Variants in UBL3 observed in about 807,000 individuals in gnomAD.
UBL3 encodes ubiquitin-like protein 3.
Under a neutral mutation model 18.4 loss-of-function variants are expected in UBL3, and 6 were observed. That is an observed-to-expected ratio of 0.33 (90% CI 0.18 to 0.64). UBL3 has a LOEUF of 0.64. UBL3 is among the 30% of genes least tolerant of loss of function. UBL3 has a pLI of 0.76. For missense variants in UBL3, 109 were observed against 142.9 expected (o/e 0.76, Z 1.21); for synonymous variants, 49 against 46.6 (o/e 1.05, Z -0.21).
chr13:29,824,289 T>C (rs567591828), intron 1 of UBL3, among the ~76,000 whole-genome samples: 7 of 152,330 alleles, frequency 4.6e-5, no homozygotes, highest in Admixed American at 3.9e-4. Flanking sequence ...CCACACTGTC[T>C]TCCACAATGG....
intron 1 of UBL3, among the ~76,000 whole-genome samples, chr13:29,784,410 G>A (rs1053853766): frequency 1.4e-3 from 12 of 8,682 alleles, no homozygotes; most frequent in African/African-American, 2.5e-3. Context: ...ATGAGTATTG[G>A]GATACTCTTA....
intron 1 of UBL3, among the ~76,000 whole-genome samples, chr13:29,807,993 C>A (rs1468489306): frequency 6.6e-6 from 1 of 152,074 alleles, no homozygotes; most frequent in Non-Finnish European, 1.5e-5. Flanking sequence ...GTAAAAACCA[C>A]AATGATTAAC....
At chr13:29,810,963 G>A (rs556574925) in intron 1 of UBL3, among the ~76,000 whole-genome samples, 1 of 152,208 alleles carries the variant, frequency 6.6e-6, no homozygotes, top group South Asian at 2.1e-4. Context: ...TACTAGCTAT[G>A]TATAGACCCT....
At chr13:29,849,387 A>C in intron 1 of UBL3, 125 bp downstream of exon 1, 2 of 1,310,580 alleles carry the variant, frequency 1.5e-6, no homozygotes, top group Non-Finnish European at 2.1e-6. Context: ...AACTTCTCCA[A>C]ATCGCTCAGC....
intron 1 of UBL3, among the ~76,000 whole-genome samples, chr13:29,805,985 G>A (rs1816151173): frequency 6.6e-6 from 1 of 152,130 alleles, no homozygotes; most frequent in African/African-American, 2.4e-5. Context: ...AGACCAGCCT[G>A]GCCAACACAG....
At chr13:29,819,714 AAGTT>A (rs1281524020) in intron 1 of UBL3, among the ~76,000 whole-genome samples, 3 of 152,162 alleles carry the variant, frequency 2.0e-5, no homozygotes, top group Non-Finnish European at 4.4e-5. Flanking sequence ...AAAAAGGTAA[AAGTT>A]AGAAGAGAAC....
chr13:29,782,741 T>C (rs1490882163), intron 1 of UBL3, among the ~76,000 whole-genome samples: 3 of 152,178 alleles, frequency 2.0e-5, no homozygotes, highest in Non-Finnish European at 2.9e-5. Context: ...ATCACCCTTC[T>C]GGGTGGGGAA....
chr13:29,787,008 T>C (rs1877338049), intron 1 of UBL3, among the ~76,000 whole-genome samples: 1 of 152,210 alleles, frequency 6.6e-6, no homozygotes, highest in Non-Finnish European at 1.5e-5. Context: ...GAAAACTACA[T>C]TCCAAAGCAA....
chr13:29,765,559 G>A lies in UBL3; in HGVS notation c.*1696C>T, dbSNP rs1004696479. On this transcript the variant is annotated 3_prime_UTR_variant, in exon 5 of 5. Coordinates refer to ENST00000380680, the MANE Select transcript of UBL3 (RefSeq NM_007106.4). ...TGAAAGTAGAAAACATGAATGAGAC[G>A]GTGCTTAAACAATTATTGACCTAAT... 2.6e-4 allele frequency: 40 copies of A among 151,798 alleles called. No individual in the cohort carries two copies. Among genetic ancestry groups the A allele is most frequent in the African/African-American group, 8.5e-4 (35 of 41,234 alleles). The allele number at this position is 151,798 out of a possible 1,614,324, so 9.4% of individuals were successfully genotyped here. A position where few individuals can be genotyped will look rare whatever the true frequency, so the allele number is the denominator to read the frequency against.
intron 1 of UBL3, among the ~76,000 whole-genome samples, chr13:29,799,592 T>C (rs1279345797): frequency 6.6e-6 from 1 of 152,310 alleles, no homozygotes; most frequent in African/African-American, 2.4e-5. Context: ...AATAGAACTT[T>C]TTACATGCAT....
At chr13:29,820,311 G>A (rs755500930) in intron 1 of UBL3, among the ~76,000 whole-genome samples, 1 of 151,940 alleles carries the variant, frequency 6.6e-6, no homozygotes, top group African/African-American at 2.4e-5. Flanking sequence ...CAAGTATCTG[G>A]GACAACAGGC....
chr13:29,807,157 T>C lies in UBL3; in HGVS notation c.28-29894A>G, dbSNP rs912676304. Among the ~76,000 whole-genome samples, 7 of 152,306 alleles carry C rather than the reference T, an allele frequency of 4.6e-5. No homozygotes were observed. The East Asian group carries it at 9.6e-4, about 21-fold the overall frequency. ...GACCCAACTATTGTTAAAGAGAACC[T>C]AGGTACCACAAACTGTATAAAGTTA... On this transcript the variant is annotated intron_variant, in intron 1 of 4. Coordinates refer to ENST00000380680, the MANE Select transcript of UBL3 (RefSeq NM_007106.4).
intron 1 of UBL3, among the ~76,000 whole-genome samples, chr13:29,778,522 T>C (rs1291076021): frequency 2.0e-5 from 3 of 152,202 alleles, no homozygotes; most frequent in African/African-American, 4.8e-5. Flanking sequence ...TTTCTTTATA[T>C]ATAAAGAACA....
At chr13:29,807,006 T>A (rs962181703) in intron 1 of UBL3, among the ~76,000 whole-genome samples, 1 of 152,212 alleles carries the variant, frequency 6.6e-6, no homozygotes, top group African/African-American at 2.4e-5. Context: ...TATTCTAATA[T>A]GTAGTGTACT....
At chr13:29,828,450 T>C (rs888911928) in intron 1 of UBL3, among the ~76,000 whole-genome samples, 5 of 152,246 alleles carry the variant, frequency 3.3e-5, no homozygotes, top group Non-Finnish European at 1.5e-5. Context: ...TGACACCCTT[T>C]CTTCCAGCTG....
At chr13:29,767,411 AAT>A in intron 4 of UBL3, 104 bp from the exon 5 acceptor site, 8 of 1,418,930 alleles carry the variant, frequency 5.6e-6, no homozygotes, top group Non-Finnish European at 7.7e-6. Context: ...AGTTTTTAAA[AAT>A]GTTTGCATTT....
chr13:29,817,766 A>G (rs1878322713), intron 1 of UBL3, among the ~76,000 whole-genome samples: 1 of 152,148 alleles, frequency 6.6e-6, no homozygotes, highest in African/African-American at 2.4e-5. Context: ...GTAAATCCCT[A>G]TTCTAATCCC....
intron 1 of UBL3, among the ~76,000 whole-genome samples, chr13:29,810,322 C>T (rs1039966594): frequency 6.6e-6 from 1 of 151,882 alleles, no homozygotes; most frequent in Admixed American, 6.6e-5. Context: ...TGGTATTTAG[C>T]CTGGGAACTG....
intron 1 of UBL3, among the ~76,000 whole-genome samples, chr13:29,781,151 G>C (rs1228234404): frequency 6.6e-6 from 1 of 152,082 alleles, no homozygotes; most frequent in Non-Finnish European, 1.5e-5. Flanking sequence ...CTCCAGCCTG[G>C]GCAACAAGAG....
Sources: allele counts gnomAD v4.1 joint callset (sites outside exome capture counted in the v4.1 genomes callset), GRCh38; gene constraint gnomAD v4.1.1; transcripts MANE v1.5; gene names NCBI Gene and HGNC (gene_info 2026-07-23, HGNC 2026-07-21).